Variants in BFAR observed in about 807,000 individuals in gnomAD.
BFAR encodes bifunctional apoptosis regulator, also known as RING finger protein 47.
A neutral mutation model predicts 54.4 loss-of-function variants in BFAR; 52 were observed. The observed-to-expected ratio is 0.96, with a 90% CI of 0.77 to 1.21. BFAR has a LOEUF of 1.21. BFAR is among the 50% of genes most tolerant of loss of function. The pLI, the probability that BFAR is intolerant of heterozygous loss-of-function variation, is 0.00. For missense variants in BFAR, 571 were observed against 534.0 expected (o/e 1.07, Z -0.68); for synonymous variants, 215 against 204.3 (o/e 1.05, Z -0.45).
chr16:14,661,101 C>A (rs962949517), intron 5 of BFAR, among the ~76,000 whole-genome samples: 3 of 152,044 alleles, frequency 2.0e-5, no homozygotes, highest in Non-Finnish European at 4.4e-5. Context: ...ATTTAAAAAA[C>A]TGAAGAAAAT....
At chr16:14,647,075 C>T (rs1000580289) in intron 2 of BFAR, among the ~76,000 whole-genome samples, 1 of 151,772 alleles carries the variant, frequency 6.6e-6, no homozygotes, top group Non-Finnish European at 1.5e-5. Flanking sequence ...CTACACCCAG[C>T]CTCAGATTTT....
chr16:14,654,956 C>A, intron 4 of BFAR, 110 bp from the exon 5 acceptor site: 1 of 1,162,548 alleles, frequency 8.6e-7, no homozygotes, highest in Non-Finnish European at 1.2e-6. Context: ...TGAAATGTCT[C>A]ACCATACCTC....
Position 14,636,637 on chromosome 16 carries a change from CAA to C in BFAR, c.-74+3621_-74+3622del, listed in dbSNP as rs998183464. 2.6e-5 allele frequency among the ~76,000 whole-genome samples: 4 copies of C among 152,190 alleles called. No homozygotes were observed. The South Asian group carries it at 8.3e-4, about 32-fold the overall frequency. On this transcript the variant is annotated intron_variant, in intron 1 of 7. Transcript: ENST00000261658. ...AGATGCCTTCCTCTTGGCTCAACTG[CAA>C]AGAGGCATGCCTTCCTCTTATGCTA...
At chr16:14,637,460 T>C (rs1959486556) in intron 1 of BFAR, among the ~76,000 whole-genome samples, 1 of 152,200 alleles carries the variant, frequency 6.6e-6, no homozygotes, top group African/African-American at 2.4e-5. Flanking sequence ...AACTCCATTT[T>C]CTCATCTGTA....
At position 14,667,798 on chromosome 16, in the gene BFAR, C is replaced by G; in HGVS notation, c.1324C>G (p.Leu442Val). Reference protein sequence around the residue: ...IINIDLVVKELRRLETQVL With the variant: ...IINIDLVVKEVRRLETQVL The stretch of plus-strand genomic sequence containing the variant: ...TAACATTGATCTTGTGGTCAAGGAA[C>G]TCCGGCGGCTGGAAACCCAGGTGTT... The change falls in exon 8 of 8, where the codon CTC becomes GTC. Residue 442 changes from leucine to valine, a missense_variant. Coordinates refer to ENST00000261658, the MANE Select transcript of BFAR (RefSeq NM_016561.3). 1 of 1,614,170 alleles carries G rather than the reference C, an allele frequency of 6.2e-7. No individual in the cohort carries two copies. The highest frequency in any genetic ancestry group is 8.5e-7 in the Non-Finnish European group (1 of 1,180,036).
chr16:14,645,838 TATACACACAC>T (rs995250194), intron 2 of BFAR, among the ~76,000 whole-genome samples: 16 of 152,248 alleles, frequency 1.1e-4, no homozygotes, highest in South Asian at 4.1e-4. Context: ...GATACATATA[TATACACACAC>T]ATACACACAC....
At chr16:14,665,991 T>C (rs1052727071) in intron 7 of BFAR, among the ~76,000 whole-genome samples, 7 of 152,204 alleles carry the variant, frequency 4.6e-5, no homozygotes, top group Admixed American at 3.9e-4. Context: ...ACTGACTCTT[T>C]CTCTGTCCCT....
rs779741640 is a variant in BFAR, at chr16:14,644,461, G to A, written c.115G>A (p.Asp39Asn). ...TGAATTTTCTTGCCACTGCTGCTAC[G>A]ACATCCTGGTTAACCCCACCACCTT... Reference protein sequence around the residue: ...VSEFSCHCCYDILVNPTTLNC... With the variant: ...VSEFSCHCCYNILVNPTTLNC... Residue 39 changes from aspartate to asparagine, a missense_variant, in exon 2 of 8, where the codon GAC becomes AAC. By Grantham distance (23) the Asp-to-Asn change is conservative (BLOSUM62 1). Coordinates refer to ENST00000261658, the MANE Select transcript of BFAR (RefSeq NM_016561.3). The A allele has an allele frequency of 9.9e-6, 16 of 1,613,970 alleles. No homozygotes were observed. Among genetic ancestry groups the A allele is most frequent in the East Asian group, 8.9e-5 (4 of 44,864 alleles).
chr16:14,667,894 T>C lies in BFAR; in HGVS notation c.*67T>C. On this transcript the variant is annotated 3_prime_UTR_variant, in exon 8 of 8. Coordinates refer to ENST00000261658, the MANE Select transcript of BFAR (RefSeq NM_016561.3). ...TCTGAGCTTTGATGCTTAAGAGGGGTGAGGCAGGGAGCGGACTTCCTATTT... is the reference window on the plus strand; with the variant it reads ...TCTGAGCTTTGATGCTTAAGAGGGGCGAGGCAGGGAGCGGACTTCCTATTT... The C allele has an allele frequency of 6.7e-7, 1 of 1,500,254 alleles. No individual in the cohort carries two copies. The highest frequency in any genetic ancestry group is 9.2e-7 in the Non-Finnish European group (1 of 1,088,506). 92.9% of individuals were successfully genotyped at this position (1,500,254 alleles called of 1,614,324 possible).
chr16:14,634,050 T>G (rs1382394579), intron 1 of BFAR, among the ~76,000 whole-genome samples: 1 of 152,192 alleles, frequency 6.6e-6, no homozygotes, highest in Admixed American at 6.5e-5. Flanking sequence ...GGAGGCAGCA[T>G]CCCAGCTTCC....
rs146784996 is a variant in BFAR at position 14,653,388 on chromosome 16, C to T, written c.639-1678C>T. Among the ~76,000 whole-genome samples, 160 of 152,090 alleles carry T rather than the reference C, an allele frequency of 1.1e-3. 1 individual carries two copies. The highest frequency in any genetic ancestry group is 3.4e-3 in the African/African-American group (142 of 41,486). On this transcript the variant is annotated intron_variant, in intron 4 of 7. Transcript: ENST00000261658. ...TGTTGCCCAGGCTGGAGTGCAGTGGCGTGATCTTGGCTCACTGCAACCTTC... is the reference window on the plus strand; with the variant it reads ...TGTTGCCCAGGCTGGAGTGCAGTGGTGTGATCTTGGCTCACTGCAACCTTC...
intron 6 of BFAR, among the ~76,000 whole-genome samples, chr16:14,664,100 G>A (rs1259706771): frequency 4.6e-5 from 7 of 151,954 alleles, no homozygotes; most frequent in East Asian, 1.9e-4. Flanking sequence ...AAAATTAGCC[G>A]GGCGTGGTGG....
intron 4 of BFAR, chr16:14,650,683 A>G (rs1034502865): frequency 6.6e-6 from 1 of 152,116 alleles, no homozygotes; most frequent in Non-Finnish European, 1.5e-5. Flanking sequence ...ATTCCGTTTT[A>G]TGGCTGAGTA....
intron 5 of BFAR, among the ~76,000 whole-genome samples, chr16:14,655,980 C>CG (rs1227918383): frequency 1.3e-5 from 2 of 151,274 alleles, no homozygotes; most frequent in Admixed American, 6.6e-5. Context: ...GAGGCCGAGG[C>CG]GGGGGGATGA....
intron 6 of BFAR, among the ~76,000 whole-genome samples, chr16:14,662,286 T>C (rs1015180003): frequency 2.0e-5 from 3 of 152,142 alleles, no homozygotes; most frequent in Non-Finnish European, 2.9e-5. Context: ...TCATCAAGTA[T>C]CATCCACACC....
chr16:14,653,306 TTTC>T (rs1960026880), intron 4 of BFAR, among the ~76,000 whole-genome samples: 1 of 152,090 alleles, frequency 6.6e-6, no homozygotes, highest in African/African-American at 2.4e-5. Flanking sequence ...GAATTTGTGT[TTTC>T]TTGTGTGTGT....
Position 14,668,011 on chromosome 16 carries a change from C to A in BFAR, c.*184C>A. On this transcript the variant is annotated 3_prime_UTR_variant, in exon 8 of 8. Coordinates refer to ENST00000261658, the MANE Select transcript of BFAR (RefSeq NM_016561.3). ...AGCCTGTGGGTGGCACGAGCAAGGA[C>A]TGACATCCGCACAGGGAGGATTGTC... The A allele has an allele frequency of 1.6e-6, 1 of 619,502 alleles. No homozygotes were observed. Among genetic ancestry groups the A allele is most frequent in the Non-Finnish European group, 2.8e-6 (1 of 359,152 alleles). 38.4% of individuals were successfully genotyped at this position (619,502 alleles called of 1,614,324 possible). A position where few individuals can be genotyped will look rare whatever the true frequency, so the allele number is the denominator to read the frequency against.
In BFAR at chr16:14,644,554, T is replaced by A. The variant is rs368262540; in HGVS notation, c.208T>A (p.Cys70Ser). ...LWWASSKKTE[C>S]PECREKWEGF... ...GTGGGCATCTTCAAAGAAAACAGAATGTCCAGAATGCAGAGAAAAATGGGA... is the reference window on the plus strand; with the variant it reads ...GTGGGCATCTTCAAAGAAAACAGAAAGTCCAGAATGCAGAGAAAAATGGGA... Residue 70 changes from cysteine (C) to serine (S), a missense_variant, in exon 2 of 8, where the codon TGT becomes AGT. Transcript: ENST00000261658. 18 of 1,613,936 alleles carry A rather than the reference T, an allele frequency of 1.1e-5. No homozygotes were observed. Among genetic ancestry groups the A allele is most frequent in the Non-Finnish European group, 1.4e-5 (16 of 1,180,006 alleles).
Position 14,644,297 on chromosome 16 carries a change from T to C in BFAR, c.-50T>C. 6.4e-7 allele frequency: 1 copy of C among 1,564,308 alleles called. No individual in the cohort carries two copies. Among genetic ancestry groups the C allele is most frequent in the Non-Finnish European group, 8.7e-7 (1 of 1,147,162 alleles). On this transcript the variant is annotated 5_prime_UTR_variant, in exon 2 of 8. Coordinates refer to ENST00000261658, the MANE Select transcript of BFAR (RefSeq NM_016561.3). ...AGATTAATGATGTTTTGCAGCAGTT[T>C]TCTACGTCTGAAATTTTTTATGTCT...
Sources: gnomAD v4.1 joint callset for allele counts (sites outside exome capture counted in the v4.1 genomes callset) on GRCh38, gnomAD v4.1.1 for gene constraint, MANE v1.5 for transcripts, NCBI Gene and HGNC (gene_info 2026-07-23, HGNC 2026-07-21) for gene names.